Variants in NPM1 observed in about 807,000 individuals in gnomAD.
NPM1 encodes nucleophosmin.
In NPM1, 1 loss-of-function variant was observed where a neutral mutation model predicts 44.1. The observed-to-expected ratio is 0.02, with a 90% CI of 0.01 to 0.11. NPM1 has a LOEUF of 0.11. NPM1 is among the 10% of genes least tolerant of loss of function. The pLI, the probability that NPM1 is intolerant of heterozygous loss-of-function variation, is 1.00. For synonymous variants in NPM1, 126 were observed against 111.8 expected, an observed-to-expected ratio of 1.13 and a Z score of -0.80; for missense variants, 197 against 347.8, an observed-to-expected ratio of 0.57 and a Z score of 3.45.
chr5:171,387,345 C>G (rs1770265765), upstream of NPM1: 1 of 157,892 alleles, frequency 6.3e-6, no homozygotes, highest in South Asian at 2.0e-4. Flanking sequence ...CCGAAGCCTT[C>G]AGGCAAGTAA....
rs773274787 is a variant in NPM1, at chr5:171,392,937, T to C, written c.483T>C (p.Asp161=). The change falls in exon 6 of 11, where the codon GAT becomes GAC. Residue 161 remains aspartate, a synonymous_variant. Coordinates refer to ENST00000296930, the MANE Select transcript of NPM1 (RefSeq NM_002520.7). ...AGAAAAAAGTAAAACTTGCTGCTGA[T>C]GAAGATGATGACGATGATGATGAAG... is the stretch of plus-strand genomic sequence containing the variant. The part of the protein sequence containing the change: ...VPQKKVKLAA[D]EDDDDDDEED... 6.2e-7 allele frequency: 1 copy of C among 1,610,794 alleles called. No individual in the cohort carries two copies. Among genetic ancestry groups the C allele is most frequent in the Non-Finnish European group, 8.5e-7 (1 of 1,177,122 alleles).
chr5:171,393,815 GGCCGAAAGA>G (rs1376025032), intron 6 of NPM1, among the ~76,000 whole-genome samples: 2 of 152,242 alleles, frequency 1.3e-5, no homozygotes, highest in Admixed American at 6.5e-5. Context: ...ACAGGAAAAA[GGCCGAAAGA>G]GCCGAAAGCT....
chr5:171,400,816 T>G, intron 7 of NPM1, 23 bp from the exon 8 acceptor site: 1 of 1,493,802 alleles, frequency 6.7e-7, no homozygotes, highest in Non-Finnish European at 9.3e-7. Context: ...GGGACAGTGA[T>G]TAAGATAAAT....
intron 8 of NPM1, among the ~76,000 whole-genome samples, chr5:171,402,274 T>G (rs1028643022): frequency 1.3e-5 from 2 of 150,998 alleles, no homozygotes; most frequent in East Asian, 2.0e-4. Context: ...TATCACTGAT[T>G]AGAGAAATGC....
At chr5:171,396,958 A>G (rs1337696400) in intron 6 of NPM1, among the ~76,000 whole-genome samples, 1 of 152,142 alleles carries the variant, frequency 6.6e-6, no homozygotes, top group Admixed American at 6.5e-5. Context: ...GGGCAACAAG[A>G]GTAAAACTCA....
chr5:171,400,153 T>G lies in NPM1; in HGVS notation c.525T>G (p.Asp175Glu). The G allele has an allele frequency of 6.9e-7, 1 of 1,450,690 alleles. No individual in the cohort carries two copies. The highest frequency in any genetic ancestry group is 1.2e-5 in the South Asian group (1 of 85,980). The allele number at this position is 1,450,690 out of a possible 1,614,324, so 89.9% of individuals were successfully genotyped here. ...TAATGTCTTGACATTTCATTTGTAG[T>G]GATGATGATGATGATTTTGATGATG... Reference protein sequence around the residue: ...DDDDEEDDDEDDDDDDFDDEE... With the variant: ...DDDDEEDDDEEDDDDDFDDEE... Residue 175 changes from aspartate (D) to glutamate (E), a missense_variant and splice_region_variant, in exon 7 of 11, where the codon GAT becomes GAG. Coordinates refer to ENST00000296930, the MANE Select transcript of NPM1 (RefSeq NM_002520.7).
intron 6 of NPM1, among the ~76,000 whole-genome samples, chr5:171,397,604 ACTTCT>A (rs1218622728): frequency 1.9e-5 from 1 of 53,948 alleles, no homozygotes; most frequent in African/African-American, 7.1e-5. Flanking sequence ...AAATCCATTT[ACTTCT>A]CTTTGTCTTT....
rs191111314 is a variant in NPM1, at chr5:171,410,522, T to C, written c.847-5T>C. 4,401 of 1,544,452 alleles carry C rather than the reference T, an allele frequency of 2.8e-3. 82 individuals carry two copies. In the African/African-American group the frequency reaches 0.053, roughly 18 times the overall value. On this transcript the variant is annotated splice_polypyrimidine_tract_variant and splice_region_variant and intron_variant, in intron 10 of 10. Coordinates refer to ENST00000296930, the MANE Select transcript of NPM1 (RefSeq NM_002520.7). Reference sequence around the variant, plus strand: ...TTAACCACATTTCTTTTTTTTTTTTTCCAGGCTATTCAAGATCTCTGGCAG... The same window carrying C: ...TTAACCACATTTCTTTTTTTTTTTTCCCAGGCTATTCAAGATCTCTGGCAG...
chr5:171,396,586 A>C (rs965486906), intron 6 of NPM1, among the ~76,000 whole-genome samples: 1 of 152,250 alleles, frequency 6.6e-6, no homozygotes, highest in African/African-American at 2.4e-5. Context: ...ATTGGGATTT[A>C]GAGACCAGTA....
intron 3 of NPM1, 61 bp from the exon 4 acceptor site, chr5:171,391,645 C>A: frequency 8.0e-7 from 1 of 1,253,842 alleles, no homozygotes; most frequent in Non-Finnish European, 1.2e-6. Context: ...ATGTGTTTGC[C>A]TGTAATGTTT....
At chr5:171,390,299 G>A (rs148384953) in intron 2 of NPM1, 169 bp downstream of exon 2, 1 of 473,520 alleles carries the variant, frequency 2.1e-6, no homozygotes. Context: ...GAAGAACTTG[G>A]CATCTATACC....
chr5:171,390,727 GTTT>G (rs138692242), intron 2 of NPM1, among the ~76,000 whole-genome samples: 1 of 149,200 alleles, frequency 6.7e-6, no homozygotes, highest in African/African-American at 2.5e-5. Flanking sequence ...TACCTTTCCT[GTTT>G]TTTTTTTTCT....
At chr5:171,403,613 G>C (rs1176082414) in intron 8 of NPM1, among the ~76,000 whole-genome samples, 10 of 119,636 alleles carry the variant, frequency 8.4e-5, no homozygotes, top group African/African-American at 2.7e-4. Context: ...CCTCCCGGAC[G>C]GGGCGGCTGG....
intron 8 of NPM1, among the ~76,000 whole-genome samples, chr5:171,403,949 C>G (rs1192843843): frequency 2.7e-5 from 2 of 74,380 alleles, no homozygotes; most frequent in African/African-American, 1.1e-4. Flanking sequence ...GGGCGGCTGG[C>G]CGGGTGGGGG....
upstream of NPM1, chr5:171,387,713 T>C: frequency 2.0e-6 from 1 of 491,986 alleles, no homozygotes; most frequent in Non-Finnish European, 3.5e-6. Context: ...TAGAAAGGAG[T>C]GGGGTTGAAA....
At chr5:171,407,677 T>G (rs1771644194) in intron 9 of NPM1, 23 bp from the exon 10 acceptor site, 1 of 1,427,430 alleles carries the variant, frequency 7.0e-7, no homozygotes, top group African/African-American at 1.4e-5. Flanking sequence ...TACTTACCTG[T>G]AATAATGCTT....
intron 1 of NPM1, 83 bp downstream of exon 1, chr5:171,388,089 C>A: frequency 1.7e-6 from 2 of 1,149,930 alleles, no homozygotes; most frequent in Non-Finnish European, 2.6e-6. Flanking sequence ...AATCCGGCTG[C>A]AACCGGGTCT....
At chr5:171,388,849 A>G (rs1308049717) in intron 1 of NPM1, among the ~76,000 whole-genome samples, 1 of 152,172 alleles carries the variant, frequency 6.6e-6, no homozygotes, top group African/African-American at 2.4e-5. Flanking sequence ...GCCCAGAGAT[A>G]AACTCACTTA....
intron 6 of NPM1, among the ~76,000 whole-genome samples, chr5:171,394,634 AG>A (rs1561867093): frequency 1.3e-5 from 2 of 152,172 alleles, no homozygotes; most frequent in Admixed American, 6.5e-5. Flanking sequence ...ATTTCTCGTT[AG>A]TAAGAATTGA....
Sources: gnomAD v4.1 joint callset for allele counts (sites outside exome capture counted in the v4.1 genomes callset) on GRCh38, gnomAD v4.1.1 for gene constraint, MANE v1.5 for transcripts, NCBI Gene and HGNC (gene_info 2026-07-23, HGNC 2026-07-21) for gene names.